The following NUFIP1 variants were observed in gnomAD, a reference collection of about 807,000 sequenced individuals.
NUFIP1 encodes nuclear FMR1 interacting protein 1.
A neutral mutation model predicts 56.2 loss-of-function variants in NUFIP1; 38 were observed. That is an observed-to-expected ratio of 0.68 (90% confidence interval 0.52 to 0.89). The LOEUF is 0.89. Among genes scored for constraint, NUFIP1 ranks in the 40% least tolerant of loss-of-function variants. NUFIP1 has a pLI of 0.00. For synonymous variants in NUFIP1, 215 were observed against 212.4 expected (o/e 1.01, Z -0.10); for missense variants, 567 against 605.8 (o/e 0.94, Z 0.67).
chr13:44,977,531 C>T (rs1213921720), intron 5 of NUFIP1, among the ~76,000 whole-genome samples: 1 of 152,158 alleles, frequency 6.6e-6, no homozygotes. Flanking sequence ...GTAGCACTGA[C>T]ATAGAGGTGG....
In NUFIP1 at chr13:44,979,180, C is replaced by T. The variant is rs1872093540; in HGVS notation, c.734+10G>A. 1 of 1,602,798 alleles carries T rather than the reference C, an allele frequency of 6.2e-7. No homozygotes were observed. Among genetic ancestry groups the T allele is most frequent in the Non-Finnish European group, 8.5e-7 (1 of 1,171,926 alleles). On this transcript the variant is annotated intron_variant, in intron 5 of 9. Coordinates refer to ENST00000379161, the MANE Select transcript of NUFIP1 (RefSeq NM_012345.3). ...AAACAGTTATTTCACCAGTTCTGAA[C>T]TCTACTCACTTCCTTCTTTCTTCCC... is the stretch of plus-strand genomic sequence containing the variant.
chr13:44,975,213 TC>T (rs1478097824), intron 5 of NUFIP1, among the ~76,000 whole-genome samples: 1 of 152,108 alleles, frequency 6.6e-6, no homozygotes, highest in African/African-American at 2.4e-5. Context: ...CTCTACCCTG[TC>T]TCTGTGGGGA....
At chr13:44,979,980 C>T in intron 3 of NUFIP1, 28 bp from the exon 4 acceptor site, 3 of 1,477,648 alleles carry the variant, frequency 2.0e-6, no homozygotes, top group Non-Finnish European at 2.8e-6. Flanking sequence ...AAAAAAAAAA[C>T]TATTTAACAA....
chr13:44,979,155 A>T (rs752304631), intron 5 of NUFIP1, 35 bp downstream of exon 5: 1 of 1,517,330 alleles, frequency 6.6e-7, no homozygotes, highest in South Asian at 1.2e-5. Context: ...TGTCACAGTA[A>T]AACAGTTATT....
intron 8 of NUFIP1, among the ~76,000 whole-genome samples, chr13:44,947,183 C>T (rs1870925929): frequency 1.3e-5 from 2 of 150,784 alleles, no homozygotes; most frequent in Non-Finnish European, 2.9e-5. Flanking sequence ...ACTTTTAAGA[C>T]TCCAAACCTA....
At chr13:44,961,052 G>GAAAAAAAAA (rs975537873) in intron 6 of NUFIP1, among the ~76,000 whole-genome samples, 1 of 53,572 alleles carries the variant, frequency 1.9e-5, no homozygotes, top group Admixed American at 2.0e-4. Context: ...TCTGTCTCCA[G>GAAAAAAAAA]AAAAAAAAAA....
intron 7 of NUFIP1, among the ~76,000 whole-genome samples, chr13:44,957,989 AGC>A (rs1871299829): frequency 6.6e-6 from 1 of 152,222 alleles, no homozygotes; most frequent in South Asian, 2.1e-4. Context: ...GAAGCATGTG[AGC>A]TCTCTCTAAA....
intron 8 of NUFIP1, 44 bp from the exon 9 acceptor site, chr13:44,943,718 C>T: frequency 6.7e-7 from 1 of 1,481,620 alleles, no homozygotes; most frequent in Non-Finnish European, 9.3e-7. Flanking sequence ...CAAAACAAAA[C>T]AAAACAGGTA....
Position 44,965,899 on chromosome 13 carries a change from T to A in NUFIP1, c.772A>T (p.Lys258Ter), listed in dbSNP as rs960492408. 5.6e-6 allele frequency: 9 copies of A among 1,601,626 alleles called. No homozygotes were observed. The highest frequency in any genetic ancestry group is 2.7e-5 in the African/African-American group (2 of 74,314). The change falls in exon 6 of 10, where the codon AAG becomes TAG. Residue 258 changes from lysine to a stop codon, truncating the protein, a stop_gained. Coordinates refer to ENST00000379161, the MANE Select transcript of NUFIP1 (RefSeq NM_012345.3). LOFTEE classifies it high-confidence loss of function. Reference sequence around the variant, plus strand: ...CTCTTCTCCTTTTCAAGTTTTAACTTCTTCTTCCTTTCAATATTGGCCAGA... The same window carrying A: ...CTCTTCTCCTTTTCAAGTTTTAACTACTTCTTCCTTTCAATATTGGCCAGA... Reference protein sequence around the residue: ...PTLANIERKKKLKLEKEKRGA... With the variant: ...PTLANIERKK
intron 2 of NUFIP1, among the ~76,000 whole-genome samples, chr13:44,981,707 G>A (rs994661717): frequency 3.9e-5 from 6 of 152,088 alleles, no homozygotes; most frequent in Non-Finnish European, 7.4e-5. Context: ...GCTACTCTGG[G>A]AGGCTGAGGC....
chr13:44,946,440 C>T (rs1593356848), intron 8 of NUFIP1, among the ~76,000 whole-genome samples: 1 of 152,148 alleles, frequency 6.6e-6, no homozygotes, highest in South Asian at 2.1e-4. Context: ...AGTTGTAAAA[C>T]TGTGCTTAAA....
At chr13:44,942,476 T>C (rs1244413676) in intron 9 of NUFIP1, among the ~76,000 whole-genome samples, 1 of 152,182 alleles carries the variant, frequency 6.6e-6, no homozygotes, top group Non-Finnish European at 1.5e-5. Context: ...TTCAGATCCA[T>C]TTTAATAGGA....
At chr13:44,960,657 C>T (rs1871393011) in intron 6 of NUFIP1, among the ~76,000 whole-genome samples, 2 of 152,158 alleles carry the variant, frequency 1.3e-5, no homozygotes, top group Non-Finnish European at 2.9e-5. Flanking sequence ...ATAGGTAACA[C>T]AGGTACTATT....
At chr13:44,956,557 C>A (rs1204175346) in intron 7 of NUFIP1, among the ~76,000 whole-genome samples, 2 of 152,132 alleles carry the variant, frequency 1.3e-5, no homozygotes, top group Non-Finnish European at 2.9e-5. Context: ...TGTTTTCCTG[C>A]AACTAGACAG....
At chr13:44,985,652 T>C (rs1409615782) in intron 1 of NUFIP1, among the ~76,000 whole-genome samples, 1 of 152,224 alleles carries the variant, frequency 6.6e-6, no homozygotes, top group Non-Finnish European at 1.5e-5. Context: ...GTAATTGTTT[T>C]GAGACACCAT....
intron 8 of NUFIP1, among the ~76,000 whole-genome samples, chr13:44,948,737 A>T (rs1295116673): frequency 6.6e-6 from 1 of 152,216 alleles, no homozygotes; most frequent in African/African-American, 2.4e-5. Flanking sequence ...GGTAGCCCTG[A>T]AAGAGATGCT....
chr13:44,942,177 C>T (rs1483636288), intron 9 of NUFIP1, among the ~76,000 whole-genome samples: 1 of 152,120 alleles, frequency 6.6e-6, no homozygotes, highest in Admixed American at 6.5e-5. Context: ...TTACATGTAA[C>T]AATGAAAATA....
In NUFIP1 at chr13:44,989,017, T is replaced by C. The variant is rs757709384; in HGVS notation, c.412+8A>G. The C allele has an allele frequency of 6.8e-6, 11 of 1,612,934 alleles. No homozygotes were observed. The African/African-American group carries it at 1.1e-4, about 16-fold the overall frequency. On this transcript the variant is annotated splice_region_variant and intron_variant, in intron 1 of 9. Transcript: ENST00000379161. ...AAAGGGGTCGACTCACGTGGAAAAA[T>C]AGCCTACCTGCAGGGTTGAAGGACT...
At chr13:44,985,531 A>G (rs1872352642) in intron 1 of NUFIP1, among the ~76,000 whole-genome samples, 2 of 152,254 alleles carry the variant, frequency 1.3e-5, no homozygotes, top group South Asian at 4.1e-4. Context: ...TCCAACAACA[A>G]TGTGCTGTCT....
Sources: gnomAD v4.1 joint callset for allele counts (sites outside exome capture counted in the v4.1 genomes callset) on GRCh38, gnomAD v4.1.1 for gene constraint, MANE v1.5 for transcripts, NCBI Gene and HGNC (gene_info 2026-07-23, HGNC 2026-07-21) for gene names.